The following RUBCN variants were observed in gnomAD, a reference collection of about 807,000 sequenced individuals.
The protein encoded by RUBCN is rubicon autophagy regulator.
Under a neutral mutation model 113.2 loss-of-function variants are expected in RUBCN, and 74 were observed. The ratio of observed to expected loss-of-function variants is 0.65; its 90% confidence interval spans 0.54 to 0.79. RUBCN has a LOEUF of 0.79. RUBCN is among the 30% of genes least tolerant of loss of function. The pLI, the probability that RUBCN is intolerant of heterozygous loss-of-function variation, is 0.00. For missense variants in RUBCN, 1,109 were observed against 1,251.7 expected, an observed-to-expected ratio of 0.89 and a Z score of 1.72; for synonymous variants, 480 against 490.0, an observed-to-expected ratio of 0.98 and a Z score of 0.27.
chr3:197,693,031 C>T (rs1224037395), intron 11 of RUBCN, among the ~76,000 whole-genome samples: 4 of 152,230 alleles, frequency 2.6e-5, no homozygotes, highest in Non-Finnish European at 1.5e-5. Flanking sequence ...GAAGGAAGAG[C>T]GTTTGTCCCT....
chr3:197,703,267 G>A (rs867136544), intron 5 of RUBCN, among the ~76,000 whole-genome samples: 8 of 151,396 alleles, frequency 5.3e-5, no homozygotes, highest in East Asian at 1.9e-4. Flanking sequence ...GTGTGGTGGC[G>A]GGCGCCTGTA....
chr3:197,690,425 C>T (rs1208979718), intron 11 of RUBCN, among the ~76,000 whole-genome samples: 2 of 152,116 alleles, frequency 1.3e-5, no homozygotes, highest in Non-Finnish European at 1.5e-5. Flanking sequence ...GCAACAAGAG[C>T]GAAACTCCGT....
At chr3:197,733,984 G>A (rs780175780) in intron 1 of RUBCN, among the ~76,000 whole-genome samples, 5 of 152,080 alleles carry the variant, frequency 3.3e-5, no homozygotes, top group Non-Finnish European at 7.3e-5. Flanking sequence ...GGCCGGGCAC[G>A]GTGGTTCACG....
rs753492023 is a variant in RUBCN at position 197,683,193 on chromosome 3, C to T, written c.1980+114G>A. 33 of 1,297,808 alleles carry T rather than the reference C, an allele frequency of 2.5e-5. No individual in the cohort carries two copies. The highest frequency in any genetic ancestry group is 6.9e-5 in the East Asian group (3 of 43,364). The allele number at this position is 1,297,808 out of a possible 1,614,324, so 80.4% of individuals were successfully genotyped here. A position where few individuals can be genotyped will look rare whatever the true frequency, so the allele number is the denominator to read the frequency against. On this transcript the variant is annotated intron_variant, in intron 13 of 19. Transcript: ENST00000296343. This position sits in a 1 kb window ranked among gnomAD's most constrained non-coding sequence, Gnocchi z 4.6. ...GACACATTGTAATGAATGGCTTCCA[C>T]GAGTAAGGGGGGAACACCCAGGCTC...
Position 197,699,246 on chromosome 3 carries a change from AC to A in RUBCN, c.1261+1366del, listed in dbSNP as rs1321216198. The A allele has an allele frequency of 3.9e-6, 6 of 1,535,084 alleles. No individual in the cohort carries two copies. In the African/African-American group the frequency reaches 8.3e-5, roughly 21 times the overall value. The stretch of plus-strand genomic sequence containing the variant: ...CCTGGGGCCTCCTGCCGGTAGACAG[AC>A]AGGTGCAGAGGAGAGTCCAGATAGA... On this transcript the variant is annotated intron_variant, in intron 7 of 19. Transcript: ENST00000296343.
At chr3:197,711,300 C>G (rs1724939298) in intron 2 of RUBCN, among the ~76,000 whole-genome samples, 1 of 152,174 alleles carries the variant, frequency 6.6e-6, no homozygotes, top group Non-Finnish European at 1.5e-5. Context: ...ATCTAAATAT[C>G]CATTCACCAG....
rs71166707 is a variant in RUBCN at position 197,730,885 on chromosome 3, CTTTTTTTTTTTTTTTTTTTTT to C, written c.65+5749_65+5769del. Among the ~76,000 whole-genome samples, 3 of 50,006 alleles carry C rather than the reference CTTTTTTTTTTTTTTTTTTTTT, an allele frequency of 6.0e-5. No individual in the cohort carries two copies. The South Asian group carries it at 2.6e-3, about 43-fold the overall frequency. The allele number at this position is 50,006 out of a possible 152,430, so 32.8% of individuals were successfully genotyped here. A position where few individuals can be genotyped will look rare whatever the true frequency, so the allele number is the denominator to read the frequency against. On this transcript the variant is annotated intron_variant, in intron 1 of 19. Transcript: ENST00000296343. ...TTTTTTTTTCATATTTTAAAAGCAT[CTTTTTTTTTTTTTTTTTTTTT>C]TTTTTTTTTACAGTTTCAACTATTT...
chr3:197,705,547 AGAGT>A (rs1325627264), intron 2 of RUBCN, among the ~76,000 whole-genome samples: 2 of 148,522 alleles, frequency 1.3e-5, no homozygotes, highest in African/African-American at 5.0e-5. Context: ...CCCAGGCAAC[AGAGT>A]GAGACCCTAA....
At chr3:197,708,120 A>G (rs1314606909) in intron 2 of RUBCN, among the ~76,000 whole-genome samples, 1 of 152,174 alleles carries the variant, frequency 6.6e-6, no homozygotes, top group Non-Finnish European at 1.5e-5. Context: ...GATAGCAAAT[A>G]AAGAAAAATA....
Position 197,674,913 on chromosome 3 carries a change from A to G in RUBCN, c.*105T>C. 2.1e-6 allele frequency: 2 copies of G among 960,430 alleles called. No homozygotes were observed. The highest frequency in any genetic ancestry group is 2.9e-6 in the Non-Finnish European group (2 of 682,252). The allele number at this position is 960,430 out of a possible 1,614,324, so 59.5% of individuals were successfully genotyped here. A position where few individuals can be genotyped will look rare whatever the true frequency, so the allele number is the denominator to read the frequency against. ...AAAAAAAAGATGATGATAATTAAAAAAAAAAAAAAAAAAAGAAGCCCCAGG... is the reference window on the plus strand; with the variant it reads ...AAAAAAAAGATGATGATAATTAAAAGAAAAAAAAAAAAAAGAAGCCCCAGG... On this transcript the variant is annotated 3_prime_UTR_variant, in exon 20 of 20. Transcript: ENST00000296343.
Position 197,718,001 on chromosome 3 carries a change from G to C in RUBCN, c.195C>G (p.Leu65=). ...ERLCRDMQSI[L]YHGLIRDQAC... is the part of the protein sequence containing the mutation. ...CCTGGTCACGGATAAGCCCGTGATA[G>C]AGGATGCTCTGCATGTCCCTGCAAA... The change falls in exon 2 of 20, where the codon CTC becomes CTG. Residue 65 remains leucine (L), a synonymous_variant. Transcript: ENST00000296343. The C allele has an allele frequency of 6.2e-7, 1 of 1,614,098 alleles. No individual in the cohort carries two copies. Among genetic ancestry groups the C allele is most frequent in the Non-Finnish European group, 8.5e-7 (1 of 1,180,040 alleles).
At chr3:197,676,486 G>GT (rs1328910972) in intron 18 of RUBCN, 1 of 650,932 alleles carries the variant, frequency 1.5e-6, no homozygotes, top group Non-Finnish European at 2.0e-6. Context: ...GCTAATTTCT[G>GT]TATTTTAGTA....
chr3:197,699,027 C>T (rs1402157472), intron 7 of RUBCN, among the ~76,000 whole-genome samples: 1 of 151,776 alleles, frequency 6.6e-6, no homozygotes, highest in Non-Finnish European at 1.5e-5. Context: ...ATAGAAAACA[C>T]ATCATATGAA....
Position 197,682,479 on chromosome 3 carries a change from G to T in RUBCN, c.2117C>A (p.Pro706Gln). The change falls in exon 14 of 20, where the codon CCA becomes CAA. Residue 706 changes from proline (P) to glutamine (Q), a missense_variant. Coordinates refer to ENST00000296343, the MANE Select transcript of RUBCN (RefSeq NM_014687.4). ...GACACTGGCCACTCACGTTGGGGCT[G>T]GATGAACATTAAAAATTATCTGAGG... is the stretch of plus-strand genomic sequence containing the variant. The part of the protein sequence containing the change: ...PRPQIIFNVH[P>Q]APTRKIAVAK... 6.2e-7 allele frequency: 1 copy of T among 1,614,180 alleles called. No individual in the cohort carries two copies. The highest frequency in any genetic ancestry group is 8.5e-7 in the Non-Finnish European group (1 of 1,180,030).
At position 197,681,810 on chromosome 3, in the gene RUBCN, C is replaced by T; in HGVS notation, c.2191+25G>A. The T allele has an allele frequency of 6.2e-7, 1 of 1,606,232 alleles. No homozygotes were observed. The highest frequency in any genetic ancestry group is 8.5e-7 in the Non-Finnish European group (1 of 1,172,880). On this transcript the variant is annotated intron_variant, in intron 15 of 19. Transcript: ENST00000296343. The surrounding 1 kb of genome is among the most constrained non-coding windows in gnomAD (Gnocchi z 5.5). ...GAGGGTACAGAGCCTCTGGAGGCAG[C>T]ATGGTGGGAAGGGAAGGCACTCACC...
chr3:197,737,736 A>T (rs569792366), upstream of RUBCN, among the ~76,000 whole-genome samples: 1 of 152,202 alleles, frequency 6.6e-6, no homozygotes. Flanking sequence ...CAATGTGGAC[A>T]GGAGATGGGG....
chr3:197,680,219 C>T (rs865789272), intron 16 of RUBCN, among the ~76,000 whole-genome samples: 4 of 140,458 alleles, frequency 2.8e-5, no homozygotes, highest in African/African-American at 8.2e-5. Context: ...TGGCTCCAGA[C>T]TGTCCTGTGC....
At position 197,703,582 on chromosome 3, in the gene RUBCN, T is replaced by C. The variant is rs758048383; in HGVS notation, c.536A>G (p.Asn179Ser). The change falls in exon 5 of 20, where the codon AAC becomes AGC. Residue 179 changes from asparagine to serine, a missense_variant. Physicochemically the swap from Asn to Ser is conservative, Grantham distance 46. Transcript: ENST00000296343. ...LQCLEAVEQN[N>S]PRLLAQIDAS... ...ATCGATCTGAGCCAGGAGGCGGGGGTTGTTCTGTTCCACTGCTTCCAGGCA... is the reference window on the plus strand; with the variant it reads ...ATCGATCTGAGCCAGGAGGCGGGGGCTGTTCTGTTCCACTGCTTCCAGGCA... 3 of 1,613,534 alleles carry C rather than the reference T, an allele frequency of 1.9e-6. No individual in the cohort carries two copies. The highest frequency in any genetic ancestry group is 2.5e-6 in the Non-Finnish European group (3 of 1,179,778).
At chr3:197,691,732 A>G (rs1051671596) in intron 11 of RUBCN, among the ~76,000 whole-genome samples, 1 of 152,132 alleles carries the variant, frequency 6.6e-6, no homozygotes, top group Non-Finnish European at 1.5e-5. Context: ...TGCAGGAAAC[A>G]GATGTGGTAG....
Sources: allele counts gnomAD v4.1 joint callset (sites outside exome capture counted in the v4.1 genomes callset), GRCh38; gene constraint gnomAD v4.1.1; non-coding constraint Gnocchi (gnomAD v3.1); transcripts MANE v1.5; gene names NCBI Gene and HGNC (gene_info 2026-07-23, HGNC 2026-07-21).